MUL1: variants seen among roughly 807,000 people sequenced by gnomAD.
The protein encoded by MUL1 is mitochondrial ubiquitin ligase activator of NFKB 1.
A neutral mutation model predicts 34.1 loss-of-function variants in MUL1; 30 were observed. The observed-to-expected ratio is 0.88, with a 90% CI of 0.66 to 1.19. The LOEUF is 1.19. MUL1 is among the 50% of genes most tolerant of loss of function. The pLI is 0.00. For synonymous variants in MUL1, 191 were observed against 187.8 expected (o/e 1.02, Z -0.14); for missense variants, 419 against 450.5 (o/e 0.93, Z 0.63).
At position 20,499,701 on chromosome 1, in the gene MUL1, G is replaced by A. The variant is rs76279788; in HGVS notation, c.*989C>T. On this transcript the variant is annotated 3_prime_UTR_variant, in exon 4 of 4. Transcript: ENST00000264198. Reference sequence around the variant, plus strand: ...GAGGGGCAAATGGTAATACTGGGAGGGGGTAACACAAGGAGAAGCGACATG... The same window carrying A: ...GAGGGGCAAATGGTAATACTGGGAGAGGGTAACACAAGGAGAAGCGACATG... The A allele has an allele frequency of 2.0e-5, 3 of 151,856 alleles. No homozygotes were observed. Among genetic ancestry groups the A allele is most frequent in the African/African-American group, 7.3e-5 (3 of 41,296 alleles). The allele number at this position is 151,856 out of a possible 1,614,324, so 9.4% of individuals were successfully genotyped here. A position where few individuals can be genotyped will look rare whatever the true frequency, so the allele number is the denominator to read the frequency against.
intron 1 of MUL1, among the ~76,000 whole-genome samples, chr1:20,505,966 C>G (rs570714840): frequency 6.6e-6 from 1 of 152,268 alleles, no homozygotes; most frequent in African/African-American, 2.4e-5. Flanking sequence ...AAATACAGGG[C>G]AGCTGGAATC....
At position 20,500,577 on chromosome 1, in the gene MUL1, A is replaced by G; in HGVS notation, c.*113T>C. The G allele has an allele frequency of 7.3e-7, 1 of 1,369,358 alleles. No individual in the cohort carries two copies. The highest frequency in any genetic ancestry group is 1.4e-5 in the African/African-American group (1 of 69,180). 84.8% of individuals were successfully genotyped at this position (1,369,358 alleles called of 1,614,324 possible). A position where few individuals can be genotyped will look rare whatever the true frequency, so the allele number is the denominator to read the frequency against. ...TTTCTACCCAATTCCTCCCTCAATC[A>G]TACCTGGAGGTGACAGCTACCCCCA... On this transcript the variant is annotated 3_prime_UTR_variant, in exon 4 of 4. Coordinates refer to ENST00000264198, the MANE Select transcript of MUL1 (RefSeq NM_024544.3).
In MUL1 at chr1:20,501,458, C is replaced by G; in HGVS notation, c.330-39G>C. Reference sequence around the variant, plus strand: ...AGAACTAAAGATACAGGGTAGCAAACAGCAAACACCCAGGCAGAACTGGAG... The same window carrying G: ...AGAACTAAAGATACAGGGTAGCAAAGAGCAAACACCCAGGCAGAACTGGAG... On this transcript the variant is annotated intron_variant, in intron 3 of 3. Coordinates refer to ENST00000264198, the MANE Select transcript of MUL1 (RefSeq NM_024544.3). This position sits in a 1 kb window ranked among gnomAD's most constrained non-coding sequence, Gnocchi z 4.2. The G allele has an allele frequency of 6.3e-7, 1 of 1,578,944 alleles. No homozygotes were observed. Among genetic ancestry groups the G allele is most frequent in the Non-Finnish European group, 8.6e-7 (1 of 1,161,126 alleles).
In MUL1 at chr1:20,501,235, G is replaced by A; in HGVS notation, c.514C>T (p.His172Tyr). 2 of 1,614,110 alleles carry A rather than the reference G, an allele frequency of 1.2e-6. No individual in the cohort carries two copies. Among genetic ancestry groups the A allele is most frequent in the East Asian group, 4.5e-5 (2 of 44,880 alleles). Reference sequence around the variant, plus strand: ...TTGGGCCGCTCACCGCTGATGTAGTGGCCGATGACATCGGTGAAGGACTGA... The same window carrying A: ...TTGGGCCGCTCACCGCTGATGTAGTAGCCGATGACATCGGTGAAGGACTGA... ...SIQSFTDVIG[H>Y]YISGERPKGI... is the part of the protein sequence containing the mutation. Residue 172 changes from histidine to tyrosine, a missense_variant, in exon 4 of 4, where the codon CAC becomes TAC. Physicochemically the swap from His to Tyr is moderately conservative, Grantham distance 83. Coordinates refer to ENST00000264198, the MANE Select transcript of MUL1 (RefSeq NM_024544.3). This position sits in a 1 kb window ranked among gnomAD's most constrained non-coding sequence, Gnocchi z 4.2.
chr1:20,503,315 T>TAAA lies in MUL1; in HGVS notation c.121-9_121-7dup. The TAAA allele has an allele frequency of 2.3e-6, 3 of 1,296,696 alleles. No homozygotes were observed. The highest frequency in any genetic ancestry group is 3.0e-5 in the East Asian group (1 of 33,250). 80.3% of individuals were successfully genotyped at this position (1,296,696 alleles called of 1,614,324 possible). On this transcript the variant is annotated splice_region_variant and splice_polypyrimidine_tract_variant and intron_variant, in intron 1 of 3. Coordinates refer to ENST00000264198, the MANE Select transcript of MUL1 (RefSeq NM_024544.3). ...AAATGAACTTTTTTAGCTCCCTAAA[T>TAAA]AAAAAAAAAAAATTAAATTAATTGG...
intron 1 of MUL1, among the ~76,000 whole-genome samples, chr1:20,504,892 C>G (rs1386094780): frequency 6.6e-6 from 1 of 152,254 alleles, no homozygotes; most frequent in East Asian, 1.9e-4. Context: ...TTATTATCAC[C>G]AATTACAGAC....
rs1557516159 is a variant in MUL1, at chr1:20,503,328, TTAAA to T, written c.121-23_121-20del. ...TAGCTCCCTAAATAAAAAAAAAAAA[TTAAA>T]TTAATTGGCCATTGAACACTGACAT... On this transcript the variant is annotated intron_variant, in intron 1 of 3. Transcript: ENST00000264198. The T allele has an allele frequency of 7.5e-7, 1 of 1,329,240 alleles. No individual in the cohort carries two copies. The highest frequency in any genetic ancestry group is 2.4e-5 in the East Asian group (1 of 41,548). 82.3% of individuals were successfully genotyped at this position (1,329,240 alleles called of 1,614,324 possible).
chr1:20,506,385 C>G (rs1014348052), intron 1 of MUL1, among the ~76,000 whole-genome samples: 1 of 152,204 alleles, frequency 6.6e-6, no homozygotes, highest in Non-Finnish European at 1.5e-5. Flanking sequence ...GTCCATCTCT[C>G]TGGACCAGTC....
intron 2 of MUL1, among the ~76,000 whole-genome samples, chr1:20,502,603 G>C (rs2051673519): frequency 6.6e-6 from 1 of 152,142 alleles, no homozygotes; most frequent in African/African-American, 2.4e-5. Context: ...GTGCAATCTT[G>C]GCTCACTGCA....
At chr1:20,507,846 C>T (rs1038420136) in intron 1 of MUL1, 59 bp downstream of exon 1, 2 of 1,553,416 alleles carry the variant, frequency 1.3e-6, no homozygotes, top group East Asian at 4.7e-5. Flanking sequence ...GAATCATGGG[C>T]TCCCCAGCAC....
chr1:20,501,797 T>C lies in MUL1; in HGVS notation c.329+272A>G, dbSNP rs111710146. On this transcript the variant is annotated intron_variant, in intron 3 of 3. Transcript: ENST00000264198. The surrounding 1 kb of genome is among the most constrained non-coding windows in gnomAD (Gnocchi z 4.2). ...TGCCTAACAACAGATTCCAGGTCCC[T>C]GATCCTGGAAATTCTGGTTGGATAA... 2.4e-3 allele frequency among the ~76,000 whole-genome samples: 360 copies of C among 152,354 alleles called. 2 individuals carry two copies. The highest frequency in any genetic ancestry group is 8.1e-3 in the African/African-American group (335 of 41,578).
Position 20,503,319 on chromosome 1 carries a change from A to T in MUL1, c.121-10T>A, listed in dbSNP as rs1477542546. 1.3e-6 allele frequency: 2 copies of T among 1,535,794 alleles called. No homozygotes were observed. Among genetic ancestry groups the T allele is most frequent in the Non-Finnish European group, 1.8e-6 (2 of 1,131,924 alleles). On this transcript the variant is annotated splice_polypyrimidine_tract_variant and intron_variant, in intron 1 of 3. Coordinates refer to ENST00000264198, the MANE Select transcript of MUL1 (RefSeq NM_024544.3). ...GAACTTTTTTAGCTCCCTAAATAAAAAAAAAAAATTAAATTAATTGGCCAT... is the reference window on the plus strand; with the variant it reads ...GAACTTTTTTAGCTCCCTAAATAAATAAAAAAAATTAAATTAATTGGCCAT...
chr1:20,504,955 TA>T (rs775045739), intron 1 of MUL1, among the ~76,000 whole-genome samples: 24 of 152,080 alleles, frequency 1.6e-4, no homozygotes, highest in Non-Finnish European at 3.2e-4. Flanking sequence ...AGACAGCTAG[TA>T]AAGTATCCAC....
Position 20,501,114 on chromosome 1 carries a change from G to A in MUL1, c.635C>T (p.Pro212Leu), listed in dbSNP as rs199771075. ...VLDNNSVRLQ[P>L]PKQGMQYYLS... Reference sequence around the variant, plus strand: ...ATAGTACTGCATGCCTTGTTTGGGCGGCTGCAGGCGGACAGAGTTGTTGTC... The same window carrying A: ...ATAGTACTGCATGCCTTGTTTGGGCAGCTGCAGGCGGACAGAGTTGTTGTC... The change falls in exon 4 of 4, where the codon CCG becomes CTG. Residue 212 changes from proline (P) to leucine (L), a missense_variant. By Grantham distance (98) the Pro-to-Leu change is moderately conservative (BLOSUM62 -3). Coordinates refer to ENST00000264198, the MANE Select transcript of MUL1 (RefSeq NM_024544.3). The surrounding 1 kb of genome is among the most constrained non-coding windows in gnomAD (Gnocchi z 4.2). 4.0e-5 allele frequency: 65 copies of A among 1,614,084 alleles called. 1 individual carries two copies. The highest frequency in any genetic ancestry group is 3.0e-4 in the South Asian group (27 of 91,084).
rs951479529 is a variant in MUL1 at position 20,502,017 on chromosome 1, A to C, written c.329+52T>G. 2.5e-6 allele frequency: 4 copies of C among 1,610,198 alleles called. No homozygotes were observed. The African/African-American group carries it at 5.3e-5, about 22-fold the overall frequency. On this transcript the variant is annotated intron_variant, in intron 3 of 3. Transcript: ENST00000264198. ...CGGCAACAGCACCCAGGACCCCAGC[A>C]TTTGAATAGACCAACTGCAAGGGTT...
At position 20,503,314 on chromosome 1, in the gene MUL1, A is replaced by AT; in HGVS notation, c.121-6dup. The AT allele has an allele frequency of 1.3e-6, 2 of 1,552,340 alleles. No individual in the cohort carries two copies. The highest frequency in any genetic ancestry group is 1.7e-6 in the Non-Finnish European group (2 of 1,143,090). On this transcript the variant is annotated splice_region_variant and splice_polypyrimidine_tract_variant and intron_variant, in intron 1 of 3. Transcript: ENST00000264198. ...CAAATGAACTTTTTTAGCTCCCTAA[A>AT]TAAAAAAAAAAAATTAAATTAATTG...
chr1:20,500,626 A>G lies in MUL1; in HGVS notation c.*64T>C. 1 of 1,512,634 alleles carries G rather than the reference A, an allele frequency of 6.6e-7. No individual in the cohort carries two copies. Among genetic ancestry groups the G allele is most frequent in the Non-Finnish European group, 8.8e-7 (1 of 1,132,518 alleles). 93.7% of individuals were successfully genotyped at this position (1,512,634 alleles called of 1,614,324 possible). On this transcript the variant is annotated 3_prime_UTR_variant, in exon 4 of 4. Transcript: ENST00000264198. ...CACCACTGCTCCTCCAAAGGCCTCG[A>G]GATAAAAATCCCTGAAAAGGGGGCA...
chr1:20,504,448 AAAC>A (rs1462087267), intron 1 of MUL1, among the ~76,000 whole-genome samples: 1 of 152,238 alleles, frequency 6.6e-6, no homozygotes, highest in East Asian at 1.9e-4. Flanking sequence ...GTATTCCCAA[AAAC>A]AACTCTTAAG....
At position 20,500,677 on chromosome 1, in the gene MUL1, G is replaced by T. The variant is rs780618248; in HGVS notation, c.*13C>A. 3.9e-6 allele frequency: 6 copies of T among 1,541,174 alleles called. No individual in the cohort carries two copies. In the African/African-American group the frequency reaches 8.2e-5, roughly 21 times the overall value. On this transcript the variant is annotated 3_prime_UTR_variant, in exon 4 of 4. Coordinates refer to ENST00000264198, the MANE Select transcript of MUL1 (RefSeq NM_024544.3). ...GGGGTGCTTCCAGGTCAAGCTGTGC[G>T]GCTTCCAAACTATTAGCTGTTGTAC...
Sources: allele counts gnomAD v4.1 joint callset (sites outside exome capture counted in the v4.1 genomes callset), GRCh38; gene constraint gnomAD v4.1.1; non-coding constraint Gnocchi (gnomAD v3.1); transcripts MANE v1.5; gene names NCBI Gene and HGNC (gene_info 2026-07-23, HGNC 2026-07-21).